The following KYNU variants were observed in gnomAD, a reference collection of about 807,000 sequenced individuals.
KYNU encodes L-kynurenine hydrolase.
A neutral mutation model predicts 59.2 loss-of-function variants in KYNU; 54 were observed. That is an observed-to-expected ratio of 0.91 (90% CI 0.73 to 1.14). The LOEUF is 1.14. Among genes scored for constraint, KYNU ranks in the 50% most tolerant of loss-of-function variants. The pLI is 0.00. For missense variants in KYNU, 567 were observed against 554.4 expected (o/e 1.02, Z -0.23); for synonymous variants, 177 against 192.0 (o/e 0.92, Z 0.65).
intron 2 of KYNU, among the ~76,000 whole-genome samples, chr2:142,891,366 A>T (rs1681707434): frequency 6.6e-6 from 1 of 152,006 alleles, no homozygotes; most frequent in Non-Finnish European, 1.5e-5. Flanking sequence ...GAATTTTTTT[A>T]CTATTAAACT....
At chr2:142,989,470 T>C (rs1215780895) in intron 10 of KYNU, 2 of 984,884 alleles carry the variant, frequency 2.0e-6, no homozygotes, top group Non-Finnish European at 2.4e-6. Context: ...TGAAGTAGTC[T>C]TTGTTGCTTA....
chr2:143,031,856 C>T (rs935678571), intron 11 of KYNU, among the ~76,000 whole-genome samples: 3 of 152,158 alleles, frequency 2.0e-5, no homozygotes, highest in Admixed American at 6.5e-5. Context: ...TTTTAATTGA[C>T]TCACAGTTTC....
chr2:143,006,734 G>A (rs1271887164), intron 10 of KYNU, among the ~76,000 whole-genome samples: 4 of 151,672 alleles, frequency 2.6e-5, no homozygotes, highest in South Asian at 4.2e-4. Flanking sequence ...GCCTCCTCAA[G>A]TGGGTTCCTG....
chr2:142,943,870 C>G (rs74528676), intron 4 of KYNU, among the ~76,000 whole-genome samples: 1 of 152,188 alleles, frequency 6.6e-6, no homozygotes, highest in African/African-American at 2.4e-5. Flanking sequence ...ACAAACCTTA[C>G]AGCCAAATCC....
Position 143,044,583 on chromosome 2 carries a change from GTGA to G in KYNU, c.*2418_*2420del, listed in dbSNP as rs1308439958. On this transcript the variant is annotated 3_prime_UTR_variant, in exon 14 of 14. Transcript: ENST00000264170. ...TTGATTTGCATTTCTCTAATGACCA[GTGA>G]TGATGAGTTTTTTTTCATATATTTG... 2.6e-5 allele frequency: 4 copies of G among 152,198 alleles called. No homozygotes were observed. The highest frequency in any genetic ancestry group is 9.6e-5 in the African/African-American group (4 of 41,456). 9.4% of individuals were successfully genotyped at this position (152,198 alleles called of 1,614,324 possible).
intron 10 of KYNU, among the ~76,000 whole-genome samples, chr2:143,028,243 CTT>C (rs754504556): frequency 2.2e-5 from 2 of 90,430 alleles, no homozygotes; most frequent in East Asian, 3.2e-4. Context: ...ATTTTACATT[CTT>C]TTTTTTTTTT....
intron 5 of KYNU, among the ~76,000 whole-genome samples, chr2:142,955,267 G>A (rs1055893237): frequency 1.3e-5 from 2 of 151,932 alleles, no homozygotes; most frequent in Admixed American, 1.3e-4. Flanking sequence ...ATTAATATAG[G>A]TTAAAAAAGA....
At chr2:142,936,509 C>T (rs535958857) in intron 4 of KYNU, among the ~76,000 whole-genome samples, 11 of 152,148 alleles carry the variant, frequency 7.2e-5, no homozygotes, top group Admixed American at 1.3e-4. Flanking sequence ...AAAAGGAGAC[C>T]GTCCTGGACA....
At chr2:142,921,116 G>T (rs1463017327) in intron 3 of KYNU, among the ~76,000 whole-genome samples, 2 of 152,186 alleles carry the variant, frequency 1.3e-5, no homozygotes, top group East Asian at 1.9e-4. Flanking sequence ...TCTACAAGGG[G>T]TAGTTTGATG....
intron 7 of KYNU, among the ~76,000 whole-genome samples, chr2:142,958,488 A>T (rs887726644): frequency 6.6e-6 from 1 of 152,202 alleles, no homozygotes; most frequent in Non-Finnish European, 1.5e-5. Flanking sequence ...CCAGACCGCT[A>T]GTCATTGTTT....
chr2:143,036,695 G>A (rs933079220), intron 12 of KYNU, among the ~76,000 whole-genome samples: 29 of 152,274 alleles, frequency 1.9e-4, no homozygotes, highest in African/African-American at 6.7e-4. Context: ...CTAATTAGAC[G>A]GGAAGGAAAG....
chr2:142,938,991 TAAGAG>T (rs1683487599), intron 4 of KYNU, among the ~76,000 whole-genome samples: 1 of 151,704 alleles, frequency 6.6e-6, no homozygotes, highest in Non-Finnish European at 1.5e-5. Context: ...GTAAAATAAA[TAAGAG>T]AAGAAAGAAA....
In KYNU at chr2:142,985,136, A is replaced by G. The variant is rs369069974; in HGVS notation, c.782A>G (p.Tyr261Cys). Residue 261 changes from tyrosine to cysteine, a missense_variant, in exon 9 of 14, where the codon TAC (tyrosine) becomes TGC (cysteine). Physicochemically the swap from Tyr to Cys is radical, Grantham distance 194 (BLOSUM62 -2). Coordinates refer to ENST00000264170, the MANE Select transcript of KYNU (RefSeq NM_003937.3). Reference sequence around the variant, plus strand: ...CATGCAGTTGGAAATGTTGAACTCTACTTACATGACTGGGGAGTTGATTTT... The same window carrying G: ...CATGCAGTTGGAAATGTTGAACTCTGCTTACATGACTGGGGAGTTGATTTT... ...LAHAVGNVEL[Y>C]LHDWGVDFAC... 11 of 1,611,402 alleles carry G rather than the reference A, an allele frequency of 6.8e-6. No homozygotes were observed. The highest frequency in any genetic ancestry group is 4.0e-5 in the African/African-American group (3 of 74,778).
intron 12 of KYNU, among the ~76,000 whole-genome samples, chr2:143,037,215 G>A (rs1454679654): frequency 6.6e-6 from 1 of 152,166 alleles, no homozygotes; most frequent in Admixed American, 6.5e-5. Context: ...CAATGGACAC[G>A]AAGTGTGACC....
At chr2:142,912,622 G>C (rs543742985) in intron 2 of KYNU, among the ~76,000 whole-genome samples, 1 of 148,630 alleles carries the variant, frequency 6.7e-6, no homozygotes. Context: ...CAGGTGATCC[G>C]CCCACCTCGG....
At chr2:142,902,816 G>A (rs561854666) in intron 2 of KYNU, among the ~76,000 whole-genome samples, 2 of 152,334 alleles carry the variant, frequency 1.3e-5, no homozygotes, top group South Asian at 2.1e-4. Flanking sequence ...TTGAGCTAAT[G>A]CCTGGCCAAA....
intron 3 of KYNU, among the ~76,000 whole-genome samples, chr2:142,926,341 A>G: frequency 6.6e-6 from 1 of 152,214 alleles, no homozygotes; most frequent in East Asian, 1.9e-4. Context: ...TTGTGAAATC[A>G]TCTTTGCAAT....
At chr2:142,891,170 A>G (rs1356615299) in intron 2 of KYNU, among the ~76,000 whole-genome samples, 1 of 152,186 alleles carries the variant, frequency 6.6e-6, no homozygotes, top group East Asian at 1.9e-4. Flanking sequence ...TAATTTATGG[A>G]CCATAAAATT....
intron 10 of KYNU, among the ~76,000 whole-genome samples, chr2:142,990,872 G>A (rs1685379285): frequency 6.6e-6 from 1 of 151,860 alleles, no homozygotes; most frequent in African/African-American, 2.4e-5. Context: ...CTTATTAAGG[G>A]CTTGAATTAT....
Sources: allele counts gnomAD v4.1 joint callset (sites outside exome capture counted in the v4.1 genomes callset), GRCh38; gene constraint gnomAD v4.1.1; transcripts MANE v1.5; gene names NCBI Gene and HGNC (gene_info 2026-07-23, HGNC 2026-07-21).